FZD3: variants seen among roughly 807,000 people sequenced by gnomAD.
FZD3 encodes frizzled-3.
FZD3 carries 30 observed loss-of-function variants against 60.7 expected under a neutral mutation model. The ratio of observed to expected loss-of-function variants is 0.49; its 90% CI spans 0.37 to 0.67. The LOEUF (loss-of-function observed/expected upper bound fraction) is 0.67, where lower values mean the gene tolerates loss of function less well. Among genes scored for constraint, FZD3 ranks in the 30% least tolerant of loss-of-function variants. The probability of loss-of-function intolerance (pLI) is 0.00; values close to 1 mark genes in which losing one functional copy is unlikely to be tolerated. For synonymous variants in FZD3, 246 were observed against 275.2 expected (o/e 0.89, Z 1.05); for missense variants, 605 against 838.7 (o/e 0.72, Z 3.44).
rs922016427 is a variant in FZD3 at position 28,573,938 on chromosome 8, T to C, written c.*10927T>C. 1 of 152,190 alleles carries C rather than the reference T, an allele frequency of 6.6e-6. No individual in the cohort carries two copies. Among genetic ancestry groups the C allele is most frequent in the Non-Finnish European group, 1.5e-5 (1 of 68,008 alleles). 9.4% of individuals were successfully genotyped at this position (152,190 alleles called of 1,614,324 possible). A position where few individuals can be genotyped will look rare whatever the true frequency, so the allele number is the denominator to read the frequency against. ...AGAAAGTGTTTATGCTAAAGACTTG[T>C]ATTTTGTGGCATTAGTTCTTCATGT... On this transcript the variant is annotated 3_prime_UTR_variant, in exon 8 of 8. Transcript: ENST00000240093.
At chr8:28,546,933 G>GCA (rs1554539075) in intron 5 of FZD3, among the ~76,000 whole-genome samples, 2 of 150,510 alleles carry the variant, frequency 1.3e-5, no homozygotes, top group Non-Finnish European at 2.9e-5. Flanking sequence ...TCGTGCCACT[G>GCA]CACTCCAGCC....
At chr8:28,537,012 C>CT (rs890151676) in intron 5 of FZD3, among the ~76,000 whole-genome samples, 33 of 151,932 alleles carry the variant, frequency 2.2e-4, no homozygotes, top group Admixed American at 1.5e-3. Flanking sequence ...TACTACTAAC[C>CT]TTTTTTTTGT....
intron 4 of FZD3, among the ~76,000 whole-genome samples, chr8:28,521,782 C>T (rs940663659): frequency 2.8e-4 from 42 of 152,040 alleles, no homozygotes; most frequent in South Asian, 1.2e-3. Flanking sequence ...TTTTAATTGC[C>T]GTGTAGTGGT....
rs186212926 is a variant in FZD3 at position 28,561,392 on chromosome 8, A to G, written c.1788-1406A>G. On this transcript the variant is annotated intron_variant, in intron 7 of 7. Transcript: ENST00000240093. ...TTTAAAAAAAAATTTTTTTCAAAGG[A>G]CTTCTCAAGTTTTAAACTCTGATCT... Among the ~76,000 whole-genome samples the G allele has an allele frequency of 5.5e-3, 832 of 152,284 alleles. 4 individuals are homozygous for G. Among genetic ancestry groups the G allele is most frequent in the Non-Finnish European group, 8.2e-3 (556 of 68,006 alleles).
intron 5 of FZD3, 26 bp downstream of exon 5, chr8:28,528,190 C>T (rs1161708493): frequency 6.5e-6 from 10 of 1,541,778 alleles, no homozygotes; most frequent in Admixed American, 1.9e-5. Context: ...TTACAAATTT[C>T]AGAATATATG....
chr8:28,505,179 C>G (rs1296261690), intron 3 of FZD3: 1 of 154,708 alleles, frequency 6.5e-6, no homozygotes, highest in Non-Finnish European at 1.5e-5. Context: ...CTCTCCACCT[C>G]CATCCCTCTA....
rs1389298759 is a variant in FZD3 at position 28,520,644 on chromosome 8, C to T, written c.196C>T (p.His66Tyr). The change falls in exon 4 of 8, where the codon CAC becomes TAC. Residue 66 changes from histidine (H) to tyrosine (Y), a missense_variant. Coordinates refer to ENST00000240093, the MANE Select transcript of FZD3 (RefSeq NM_017412.4). Reference protein sequence around the residue: ...QTAALAMEPFHPMVNLDCSRD... With the variant: ...QTAALAMEPFYPMVNLDCSRD... The stretch of plus-strand genomic sequence containing the variant: ...AATTTTAACTTTTCCCTAGCCATTC[C>T]ACCCTATGGTGAATCTGGATTGTTC... The T allele has an allele frequency of 1.9e-6, 3 of 1,558,746 alleles. No homozygotes were observed. Among genetic ancestry groups the T allele is most frequent in the Non-Finnish European group, 2.6e-6 (3 of 1,148,086 alleles).
chr8:28,555,729 G>T lies in FZD3; in HGVS notation c.1554-9G>T. 7.3e-6 allele frequency: 11 copies of T among 1,506,838 alleles called. No homozygotes were observed. The highest frequency in any genetic ancestry group is 9.2e-6 in the Non-Finnish European group (10 of 1,082,508). 93.3% of individuals were successfully genotyped at this position (1,506,838 alleles called of 1,614,324 possible). A position where few individuals can be genotyped will look rare whatever the true frequency, so the allele number is the denominator to read the frequency against. ...GTATGTATCTTAAACTTACTATTTT[G>T]TTGTCTAGGATAGTGAATGAGAGCC... On this transcript the variant is annotated splice_polypyrimidine_tract_variant and intron_variant, in intron 6 of 7. Transcript: ENST00000240093.
At chr8:28,510,059 A>G (rs1460184882) in intron 3 of FZD3, among the ~76,000 whole-genome samples, 4 of 152,220 alleles carry the variant, frequency 2.6e-5, no homozygotes, top group Non-Finnish European at 4.4e-5. Flanking sequence ...GTAATACACA[A>G]GATTCCAATT....
At position 28,528,053 on chromosome 8, in the gene FZD3, A is replaced by G; in HGVS notation, c.1293A>G (p.Pro431=). 1 of 1,613,594 alleles carries G rather than the reference A, an allele frequency of 6.2e-7. No homozygotes were observed. The highest frequency in any genetic ancestry group is 8.5e-7 in the Non-Finnish European group (1 of 1,179,794). Residue 431 remains proline (P), a synonymous_variant, in exon 5 of 8, where the codon CCA becomes CCG. Coordinates refer to ENST00000240093, the MANE Select transcript of FZD3 (RefSeq NM_017412.4). ...IGVFSILYLV[P]LLVVIGCYFY... is the part of the protein sequence containing the mutation. ...TTTTCAGCATTCTTTATCTCGTACC[A>G]CTCTTGGTTGTAATTGGATGCTACT...
chr8:28,530,249 C>T (rs1313113344), intron 5 of FZD3, among the ~76,000 whole-genome samples: 1 of 151,924 alleles, frequency 6.6e-6, no homozygotes, highest in African/African-American at 2.4e-5. Context: ...AGTAGGAGTC[C>T]TAGCTTCTTT....
intron 3 of FZD3, among the ~76,000 whole-genome samples, chr8:28,505,832 C>T (rs111462001): frequency 6.6e-6 from 1 of 152,188 alleles, no homozygotes; most frequent in Non-Finnish European, 1.5e-5. Flanking sequence ...ATACTCTGTA[C>T]TTTTATTGAG....
intron 5 of FZD3, among the ~76,000 whole-genome samples, chr8:28,544,857 G>A (rs1805258386): frequency 6.6e-6 from 1 of 152,156 alleles, no homozygotes; most frequent in African/African-American, 2.4e-5. Context: ...CAGTTATGGA[G>A]GCTAAGAAGT....
chr8:28,550,236 A>G (rs1245027755), intron 5 of FZD3, among the ~76,000 whole-genome samples: 1 of 151,620 alleles, frequency 6.6e-6, no homozygotes, highest in Non-Finnish European at 1.5e-5. Flanking sequence ...GTTAAATTAC[A>G]TTTTCCTATC....
At chr8:28,494,627 G>T (rs1274312726) in intron 1 of FZD3, among the ~76,000 whole-genome samples, 2 of 152,084 alleles carry the variant, frequency 1.3e-5, no homozygotes, top group African/African-American at 2.4e-5. Flanking sequence ...GGGGCTGAGG[G>T]CTGAGGGCTA....
chr8:28,515,160 T>C (rs1475495996), intron 3 of FZD3, among the ~76,000 whole-genome samples: 2 of 152,234 alleles, frequency 1.3e-5, no homozygotes, highest in Non-Finnish European at 2.9e-5. Context: ...AGATAATATG[T>C]GTAAGGCATT....
chr8:28,497,158 G>A (rs757509797), intron 1 of FZD3, among the ~76,000 whole-genome samples: 8 of 152,210 alleles, frequency 5.3e-5, no homozygotes, highest in Non-Finnish European at 1.0e-4. Flanking sequence ...TTTCCTCTGT[G>A]TGTGTGTTTT....
rs1384481248 is a variant in FZD3, at chr8:28,570,580, G to C, written c.*7569G>C. ...GCGGAGCTTGCAGTGAGCTGAGATC[G>C]CACCGCTGCACTCCAGCCTGGGCAA... On this transcript the variant is annotated 3_prime_UTR_variant, in exon 8 of 8. Transcript: ENST00000240093. 6.7e-6 allele frequency: 1 copy of C among 148,680 alleles called. No individual in the cohort carries two copies. Among genetic ancestry groups the C allele is most frequent in the African/African-American group, 2.5e-5 (1 of 39,894 alleles). The allele number at this position is 148,680 out of a possible 1,614,324, so 9.2% of individuals were successfully genotyped here.
chr8:28,531,401 A>C (rs1226223522), intron 5 of FZD3, among the ~76,000 whole-genome samples: 2 of 152,106 alleles, frequency 1.3e-5, no homozygotes, highest in African/African-American at 4.8e-5. Context: ...TTATTCACTC[A>C]TTTATTGATG....
Sources: gnomAD v4.1 joint callset for allele counts (sites outside exome capture counted in the v4.1 genomes callset) on GRCh38, gnomAD v4.1.1 for gene constraint, MANE v1.5 for transcripts, NCBI Gene and HGNC (gene_info 2026-07-23, HGNC 2026-07-21) for gene names.